The following RPS19 variants were observed in gnomAD, a reference collection of about 807,000 sequenced individuals.
The protein encoded by RPS19 is ribosomal protein S19.
A neutral mutation model predicts 20.3 loss-of-function variants in RPS19; 1 was observed. That is an observed-to-expected ratio of 0.05 (90% CI 0.02 to 0.23). The LOEUF (loss-of-function observed/expected upper bound fraction) is 0.23, where lower values mean the gene tolerates loss of function less well. Ranked by LOEUF, RPS19 falls within the 10% of genes least tolerant of loss-of-function variation. The pLI is 1.00. For missense variants in RPS19, 111 were observed against 192.7 expected (o/e 0.58, Z 2.51); for synonymous variants, 87 against 74.8 (o/e 1.16, Z -0.84).
In RPS19 at chr19:41,871,494, G is replaced by T. The variant is rs1175174243; in HGVS notation, c.*117G>T. On this transcript the variant is annotated 3_prime_UTR_variant, in exon 6 of 6. Coordinates refer to ENST00000598742, the MANE Select transcript of RPS19 (RefSeq NM_001022.4). ...TGCAGTGGCGCCATCTCAGCTCACT[G>T]CAATCTCCGCCTTCTGGGTTCAAAT... 1.2e-6 allele frequency: 1 copy of T among 851,328 alleles called. No homozygotes were observed. Among genetic ancestry groups the T allele is most frequent in the African/African-American group, 1.7e-5 (1 of 59,386 alleles). 52.7% of individuals were successfully genotyped at this position (851,328 alleles called of 1,614,324 possible).
chr19:41,869,794 C>G, intron 5 of RPS19, 41 bp downstream of exon 5: 1 of 1,597,786 alleles, frequency 6.3e-7, no homozygotes, highest in African/African-American at 1.3e-5. Flanking sequence ...CCCTTAGTCG[C>G]TGCCCAAGCA....
intron 5 of RPS19, among the ~76,000 whole-genome samples, 160 bp from the exon 6 acceptor site, chr19:41,871,191 G>C (rs1322425427): frequency 1.3e-5 from 2 of 151,826 alleles, no homozygotes; most frequent in African/African-American, 4.8e-5. Flanking sequence ...TTCCACGTCT[G>C]TGAAATGGGG....
At chr19:41,871,203 A>G (rs1555841936) in intron 5 of RPS19, 148 bp from the exon 6 acceptor site, 1 of 767,516 alleles carries the variant, frequency 1.3e-6, no homozygotes, top group Non-Finnish European at 2.4e-6. Context: ...GAAATGGGGG[A>G]ATACCCACAG....
In RPS19 at chr19:41,872,654, T is replaced by A. The variant is rs1023088122; in HGVS notation, c.*1277T>A. ...GGCTCACACCTGTAATCTCAACACT[T>A]TGGGAGGCCGAGACGGGCTGATCAC... On this transcript the variant is annotated 3_prime_UTR_variant, in exon 6 of 6. Transcript: ENST00000598742. 6.6e-6 allele frequency: 1 copy of A among 152,124 alleles called. No individual in the cohort carries two copies. The highest frequency in any genetic ancestry group is 1.5e-5 in the Non-Finnish European group (1 of 68,042). 9.4% of individuals were successfully genotyped at this position (152,124 alleles called of 1,614,324 possible). A position where few individuals can be genotyped will look rare whatever the true frequency, so the allele number is the denominator to read the frequency against.
chr19:41,868,542 G>T (rs2074112142), intron 3 of RPS19, among the ~76,000 whole-genome samples: 1 of 152,198 alleles, frequency 6.6e-6, no homozygotes, highest in Admixed American at 6.5e-5. Context: ...GTGGACCAGG[G>T]ACTTGCCCAA....
intron 1 of RPS19, 138 bp from the exon 2 acceptor site, chr19:41,860,637 G>C: frequency 1.3e-6 from 1 of 785,722 alleles, no homozygotes; most frequent in Non-Finnish European, 2.3e-6. Flanking sequence ...CCGGAGCCCG[G>C]CGTTGAAGGG....
At chr19:41,863,582 A>G (rs782373170) in intron 3 of RPS19, among the ~76,000 whole-genome samples, 3 of 152,070 alleles carry the variant, frequency 2.0e-5, no homozygotes, top group Non-Finnish European at 4.4e-5. Context: ...AATTGTGGAG[A>G]CCTATAGGAA....
intron 3 of RPS19, chr19:41,864,391 C>T (rs1311307926): frequency 6.6e-6 from 1 of 152,328 alleles, no homozygotes; most frequent in African/African-American, 2.4e-5. Flanking sequence ...GAATCAAGGT[C>T]AGGAGAGTGG....
chr19:41,871,771 T>C lies in RPS19; in HGVS notation c.*394T>C, dbSNP rs782701855. 4.0e-6 allele frequency: 1 copy of C among 250,910 alleles called. No homozygotes were observed. Among genetic ancestry groups the C allele is most frequent in the Admixed American group, 5.1e-5 (1 of 19,704 alleles). The allele number at this position is 250,910 out of a possible 1,614,324, so 15.5% of individuals were successfully genotyped here. A position where few individuals can be genotyped will look rare whatever the true frequency, so the allele number is the denominator to read the frequency against. ...GGCCCTTGTGGCTCACTCCCCCACA[T>C]CCTGTCTTTGCAATTGTCAGAAAGT... is the stretch of plus-strand genomic sequence containing the variant. On this transcript the variant is annotated 3_prime_UTR_variant, in exon 6 of 6. Transcript: ENST00000598742.
chr19:41,866,713 AT>A (rs1305253660), intron 3 of RPS19, among the ~76,000 whole-genome samples: 3 of 152,160 alleles, frequency 2.0e-5, no homozygotes, highest in Non-Finnish European at 4.4e-5. Context: ...TTACTATAAA[AT>A]GGTGTAATAT....
intron 3 of RPS19, among the ~76,000 whole-genome samples, chr19:41,862,370 C>G (rs1298983815): frequency 1.3e-5 from 2 of 152,148 alleles, no homozygotes; most frequent in East Asian, 3.9e-4. Flanking sequence ...GGTCGGGTTG[C>G]TGGCATACCA....
rs975770649 is a variant in RPS19 at position 41,871,406 on chromosome 19, C to T, written c.*29C>T. ...AAACCATGCTGGGTTAATAAATTGC[C>T]TCATTCGTAATCCTGGTCTGGGTCT... On this transcript the variant is annotated 3_prime_UTR_variant, in exon 6 of 6. Transcript: ENST00000598742. 3.7e-6 allele frequency: 6 copies of T among 1,607,284 alleles called. No homozygotes were observed. The African/African-American group carries it at 8.0e-5, about 22-fold the overall frequency.
intron 5 of RPS19, among the ~76,000 whole-genome samples, chr19:41,870,708 C>T (rs1555841780): frequency 6.6e-6 from 1 of 152,006 alleles, no homozygotes; most frequent in Non-Finnish European, 1.5e-5. Flanking sequence ...TGTCAGCCCT[C>T]TAGGAGTTGG....
Position 41,860,816 on chromosome 19 carries a change from C to A in RPS19, c.42C>A (p.Phe14Leu), listed in dbSNP as rs782485530. ...TAAAAGACGTGAACCAGCAGGAGTT[C>A]GTCAGAGCTCTGGCAGCCTTCCTCA... ...VTVKDVNQQE[F>L]VRALAAFLKK... Residue 14 changes from phenylalanine to leucine, a missense_variant, in exon 2 of 6, where the codon TTC becomes TTA. Phe to Leu is a conservative substitution (Grantham distance 22). Coordinates refer to ENST00000598742, the MANE Select transcript of RPS19 (RefSeq NM_001022.4). The A allele has an allele frequency of 6.2e-7, 1 of 1,613,924 alleles. No homozygotes were observed.
At chr19:41,860,448 C>T (rs2074015798) in intron 1 of RPS19, 159 bp downstream of exon 1, 2 of 382,364 alleles carry the variant, frequency 5.2e-6, no homozygotes, top group Admixed American at 4.1e-5. Context: ...CATGCCCGGT[C>T]AGCGCCGTCC....
intron 3 of RPS19, chr19:41,864,857 A>T (rs1045726517): frequency 6.6e-6 from 1 of 152,122 alleles, no homozygotes. Context: ...TCCACATCAA[A>T]AGCTGGGGCT....
rs2074149311 is a variant in RPS19, at chr19:41,871,496, A to T, written c.*119A>T. The T allele has an allele frequency of 2.4e-6, 2 of 841,428 alleles. No homozygotes were observed. Among genetic ancestry groups the T allele is most frequent in the Admixed American group, 1.9e-5 (1 of 53,130 alleles). The allele number at this position is 841,428 out of a possible 1,614,324, so 52.1% of individuals were successfully genotyped here. A position where few individuals can be genotyped will look rare whatever the true frequency, so the allele number is the denominator to read the frequency against. On this transcript the variant is annotated 3_prime_UTR_variant, in exon 6 of 6. Coordinates refer to ENST00000598742, the MANE Select transcript of RPS19 (RefSeq NM_001022.4). ...CAGTGGCGCCATCTCAGCTCACTGC[A>T]ATCTCCGCCTTCTGGGTTCAAATGA...
At chr19:41,863,629 G>A (rs1486246535) in intron 3 of RPS19, among the ~76,000 whole-genome samples, 1 of 152,098 alleles carries the variant, frequency 6.6e-6, no homozygotes, top group African/African-American at 2.4e-5. Context: ...CCTGGGGTTT[G>A]GGGGTAAAGA....
rs368465287 is a variant in RPS19 at position 41,860,458 on chromosome 19, C to G, written c.-1+169C>G. 11 of 414,220 alleles carry G rather than the reference C, an allele frequency of 2.7e-5. No homozygotes were observed. In the East Asian group the frequency reaches 3.7e-4, roughly 14 times the overall value. The allele number at this position is 414,220 out of a possible 1,614,324, so 25.7% of individuals were successfully genotyped here. ...CCGGACATGCCCGGTCAGCGCCGTC[C>G]GGGAACCGAGCGTGGGCCCCGGGGG... On this transcript the variant is annotated intron_variant, in intron 1 of 5. Coordinates refer to ENST00000598742, the MANE Select transcript of RPS19 (RefSeq NM_001022.4).
Sources: allele counts gnomAD v4.1 joint callset (sites outside exome capture counted in the v4.1 genomes callset), GRCh38; gene constraint gnomAD v4.1.1; transcripts MANE v1.5; gene names NCBI Gene and HGNC (gene_info 2026-07-23, HGNC 2026-07-21).